ZNF282: variants seen among roughly 807,000 people sequenced by gnomAD.
ZNF282 encodes HTLV-I U5 repressive element-binding protein 1.
ZNF282 carries 30 observed loss-of-function variants against 61.9 expected under a neutral mutation model. That is an observed-to-expected ratio of 0.48 (90% CI 0.36 to 0.66). ZNF282 has a LOEUF of 0.66. ZNF282 is among the 30% of genes least tolerant of loss of function. The probability of loss-of-function intolerance (pLI) is 0.00; values close to 1 mark genes in which losing one functional copy is unlikely to be tolerated. For missense variants in ZNF282, 788 were observed against 941.4 expected, an observed-to-expected ratio of 0.84 and a Z score of 2.13; for synonymous variants, 396 against 405.0, an observed-to-expected ratio of 0.98 and a Z score of 0.27.
rs747188970 is a variant in ZNF282 at position 149,195,685 on chromosome 7, C to T, written c.96C>T (p.Pro32=). ...SGSWSWAQAL[P]PEEVCHQEPA... ...GCTGGAGCTGGGCCCAGGCTCTGCC[C>T]CCGGAGGAGGTCTGCCACCAGGAGC... Residue 32 remains proline (P), a synonymous_variant, in exon 1 of 8, where the codon CCC becomes CCT. Coordinates refer to ENST00000610704, the MANE Select transcript of ZNF282 (RefSeq NM_003575.4). The T allele has an allele frequency of 4.4e-6, 7 of 1,579,752 alleles. No homozygotes were observed. The African/African-American group carries it at 6.9e-5, about 15-fold the overall frequency.
intron 7 of ZNF282, among the ~76,000 whole-genome samples, chr7:149,220,928 T>TGTTTG (rs66494857): frequency 2.2e-5 from 3 of 135,234 alleles, no homozygotes; most frequent in Non-Finnish European, 4.8e-5. Flanking sequence ...TTTTTTTTTT[T>TGTTTG]TTTTTTTTTG....
chr7:149,224,454 G>T lies in ZNF282; in HGVS notation c.1823G>T (p.Gly608Val). 6.2e-7 allele frequency: 1 copy of T among 1,613,716 alleles called. No homozygotes were observed. The highest frequency in any genetic ancestry group is 8.5e-7 in the Non-Finnish European group (1 of 1,179,948). ...GERPFQCALC[G>V]KSFIRKQNLL... Reference sequence around the variant, plus strand: ...CGGCCTTTCCAATGTGCACTGTGCGGCAAGAGCTTCATCCGCAAGCAGAAC... The same window carrying T: ...CGGCCTTTCCAATGTGCACTGTGCGTCAAGAGCTTCATCCGCAAGCAGAAC... Residue 608 changes from glycine to valine, a missense_variant, in exon 8 of 8, where the codon GGC (glycine) becomes GTC (valine). Transcript: ENST00000610704.
Position 149,220,226 on chromosome 7 carries a change from G to A in ZNF282, c.1181-3586G>A, listed in dbSNP as rs570974575. ...GATCGAGACCATCCTGGCTAACACG[G>A]TGAAACCCCGTCTCTACTAAAAATA... On this transcript the variant is annotated intron_variant, in intron 7 of 7. Transcript: ENST00000610704. 1.8e-3 allele frequency among the ~76,000 whole-genome samples: 278 copies of A among 152,222 alleles called. 2 individuals are homozygous for A. The highest frequency in any genetic ancestry group is 6.3e-3 in the African/African-American group (263 of 41,542).
intron 7 of ZNF282, among the ~76,000 whole-genome samples, chr7:149,217,130 A>G (rs1442552799): frequency 6.6e-6 from 1 of 152,228 alleles, no homozygotes; most frequent in African/African-American, 2.4e-5. Context: ...TTCCCACATT[A>G]TTCACTACAT....
Position 149,195,772 on chromosome 7 carries a change from G to T in ZNF282, c.165+18G>T, listed in dbSNP as rs1313016731. The T allele has an allele frequency of 2.7e-6, 4 of 1,478,828 alleles. No homozygotes were observed. The South Asian group carries it at 5.2e-5, about 19-fold the overall frequency. 91.6% of individuals were successfully genotyped at this position (1,478,828 alleles called of 1,614,324 possible). A position where few individuals can be genotyped will look rare whatever the true frequency, so the allele number is the denominator to read the frequency against. Reference sequence around the variant, plus strand: ...CCATGCAGGTGGGAGAACCCCGCCGGCGCCATGGCCGCGCTGCCGTGGGGG... The same window carrying T: ...CCATGCAGGTGGGAGAACCCCGCCGTCGCCATGGCCGCGCTGCCGTGGGGG... On this transcript the variant is annotated intron_variant, in intron 1 of 7. Transcript: ENST00000610704.
chr7:149,206,336 T>C (rs1455354543), intron 2 of ZNF282, among the ~76,000 whole-genome samples: 5 of 152,186 alleles, frequency 3.3e-5, no homozygotes, highest in African/African-American at 1.2e-4. Context: ...GGTTTTACTC[T>C]ACCTGGCTCA....
chr7:149,218,658 C>T (rs1027245052), intron 7 of ZNF282, among the ~76,000 whole-genome samples: 1 of 151,906 alleles, frequency 6.6e-6, no homozygotes, highest in East Asian at 1.9e-4. Flanking sequence ...AGGTTGAGGG[C>T]TCATGCCTCC....
rs776107053 is a variant in ZNF282, at chr7:149,195,735, A to C, written c.146A>C (p.Glu49Ala). Residue 49 changes from glutamate (E) to alanine (A), a missense_variant, in exon 1 of 8, where the codon GAG becomes GCG. Physicochemically the swap from Glu to Ala is moderately radical, Grantham distance 107 (BLOSUM62 -1). Coordinates refer to ENST00000610704, the MANE Select transcript of ZNF282 (RefSeq NM_003575.4). The stretch of plus-strand genomic sequence containing the variant: ...CCGGCGCTGCGCGGGGAAATGGCCG[A>C]GGGAATGCCGCCCATGCAGGTGGGA... ...QEPALRGEMA[E>A]GMPPMQAQEW... is the part of the protein sequence containing the mutation. The C allele has an allele frequency of 6.5e-7, 1 of 1,532,970 alleles. No homozygotes were observed. The highest frequency in any genetic ancestry group is 8.8e-7 in the Non-Finnish European group (1 of 1,140,696). 95.0% of individuals were successfully genotyped at this position (1,532,970 alleles called of 1,614,324 possible). A position where few individuals can be genotyped will look rare whatever the true frequency, so the allele number is the denominator to read the frequency against.
Position 149,212,374 on chromosome 7 carries a change from C to T in ZNF282, c.969C>T (p.Ala323=), listed in dbSNP as rs772876942. ...CGCAAGTAGACTCCCCAATTTCTGC[C>T]CAGGACCTCTTGTCCCGGATTAAAC... ...TESITDSPIS[A]QDLLSRIKQE... The change falls in exon 6 of 8, where the codon GCC becomes GCT. Residue 323 remains alanine, a synonymous_variant. Coordinates refer to ENST00000610704, the MANE Select transcript of ZNF282 (RefSeq NM_003575.4). The T allele has an allele frequency of 3.7e-6, 6 of 1,611,488 alleles. No homozygotes were observed. The Admixed American group carries it at 5.0e-5, about 14-fold the overall frequency.
In ZNF282 at chr7:149,223,770, C is replaced by T. The variant is rs1455915011; in HGVS notation, c.1181-42C>T. 3 of 1,454,316 alleles carry T rather than the reference C, an allele frequency of 2.1e-6. No homozygotes were observed. In the East Asian group the frequency reaches 8.2e-5, roughly 40 times the overall value. 90.1% of individuals were successfully genotyped at this position (1,454,316 alleles called of 1,614,324 possible). A position where few individuals can be genotyped will look rare whatever the true frequency, so the allele number is the denominator to read the frequency against. ...TTCGGGAGCAGTGTGGGGTCCTGGC[C>T]GAGAACCCCTGTCAGCATGTCACTT... On this transcript the variant is annotated intron_variant, in intron 7 of 7. Coordinates refer to ENST00000610704, the MANE Select transcript of ZNF282 (RefSeq NM_003575.4).
At chr7:149,206,641 G>A (rs1795994357) in intron 2 of ZNF282, 55 bp from the exon 3 acceptor site, 1 of 1,609,978 alleles carries the variant, frequency 6.2e-7, no homozygotes. Context: ...AGGAGAAGGG[G>A]AGGTGGTGGG....
In ZNF282 at chr7:149,210,638, G is replaced by A; in HGVS notation, c.886G>A (p.Asp296Asn). 6.2e-7 allele frequency: 1 copy of A among 1,612,338 alleles called. No individual in the cohort carries two copies. The highest frequency in any genetic ancestry group is 8.5e-7 in the Non-Finnish European group (1 of 1,179,444). Reference protein sequence around the residue: ...QDASSQVKREDTLCVRGQRGL... With the variant: ...QDASSQVKRENTLCVRGQRGL... ...TGCGTCCTCCCAGGTGAAGCGTGAG[G>A]ACACCCTGTGTGTCCGGGGTCAGCG... is the stretch of plus-strand genomic sequence containing the variant. The change falls in exon 5 of 8, where the codon GAC (aspartate) becomes AAC (asparagine). Residue 296 changes from aspartate (D) to asparagine (N), a missense_variant. Asp to Asn is a conservative substitution (Grantham distance 23). This residue lies in a region of ZNF282 where 559 missense variants were observed against 642.0 expected (regional missense o/e 0.87). Transcript: ENST00000610704.
At chr7:149,206,899 C>T in intron 3 of ZNF282, 77 bp downstream of exon 3, 1 of 1,550,160 alleles carries the variant, frequency 6.5e-7, no homozygotes. Flanking sequence ...CACGTTAGCA[C>T]CGCCTAGGCA....
At chr7:149,196,114 A>G (rs1795812735) in intron 1 of ZNF282, among the ~76,000 whole-genome samples, 2 of 151,928 alleles carry the variant, frequency 1.3e-5, no homozygotes, top group Middle Eastern at 3.4e-3. Flanking sequence ...GCCGGCGGAG[A>G]GCTTCGCGGG....
intron 2 of ZNF282, among the ~76,000 whole-genome samples, chr7:149,201,562 G>A (rs911148095): frequency 1.2e-4 from 18 of 152,226 alleles, no homozygotes; most frequent in Non-Finnish European, 2.4e-4. Context: ...GACCAGCCTG[G>A]CCAACATGGT....
intron 1 of ZNF282, 97 bp downstream of exon 1, chr7:149,195,851 C>A (rs1795807454): frequency 9.0e-7 from 1 of 1,111,382 alleles, no homozygotes; most frequent in African/African-American, 1.7e-5. Context: ...GGTAGCCTTG[C>A]GGCGCCCTCC....
chr7:149,195,967 C>T (rs1795809445), intron 1 of ZNF282, among the ~76,000 whole-genome samples: 1 of 150,056 alleles, frequency 6.7e-6, no homozygotes, highest in Non-Finnish European at 1.5e-5. Flanking sequence ...CAGGCCTGGC[C>T]CGCGCGGCGC....
intron 4 of ZNF282, among the ~76,000 whole-genome samples, 171 bp downstream of exon 4, chr7:149,207,641 G>A (rs1796017518): frequency 6.6e-6 from 1 of 152,218 alleles, no homozygotes; most frequent in Non-Finnish European, 1.5e-5. Context: ...TCACTTATAG[G>A]AAGAGATCTC....
chr7:149,221,347 A>G (rs936931388), intron 7 of ZNF282, among the ~76,000 whole-genome samples: 4 of 152,190 alleles, frequency 2.6e-5, no homozygotes, highest in African/African-American at 9.6e-5. Flanking sequence ...TGGAGAGCCA[A>G]GTTGGGTCAG....
Sources: gnomAD v4.1 joint callset for allele counts (sites outside exome capture counted in the v4.1 genomes callset) on GRCh38, gnomAD v4.1.1 for gene constraint, gnomAD v4.1.1 regional missense constraint, MANE v1.5 for transcripts, NCBI Gene and HGNC (gene_info 2026-07-23, HGNC 2026-07-21) for gene names.